Variants in ZGRF1 observed in about 807,000 individuals in gnomAD.
ZGRF1 encodes the protein zinc finger GRF-type containing 1, also known as 5'-3' DNA helicase ZGRF1.
In ZGRF1, 196 loss-of-function variants were observed where a neutral mutation model predicts 203.5. The observed-to-expected ratio is 0.96, with a 90% CI of 0.86 to 1.08. ZGRF1 has a LOEUF of 1.08. Ranked by LOEUF, ZGRF1 falls within the 50% of genes least tolerant of loss-of-function variation. The probability of loss-of-function intolerance (pLI) is 0.00; values close to 1 mark genes in which losing one functional copy is unlikely to be tolerated. For missense variants in ZGRF1, 2,326 were observed against 2,416.3 expected (o/e 0.96, Z 0.78); for synonymous variants, 809 against 841.3 (o/e 0.96, Z 0.66).
chr4:112,553,992 T>C lies in ZGRF1; in HGVS notation c.5199-10A>G, dbSNP rs370557896. 1.1e-5 allele frequency: 18 copies of C among 1,600,736 alleles called. No homozygotes were observed. The African/African-American group carries it at 2.4e-4, about 22-fold the overall frequency. ...TGAGCCAGCATGCAAGCTAAAGAAT[T>C]ATATTAAAACACTCCTCTTTATTCC... is the stretch of plus-strand genomic sequence containing the variant. On this transcript the variant is annotated splice_polypyrimidine_tract_variant and intron_variant, in intron 21 of 27. Coordinates refer to ENST00000505019, the MANE Select transcript of ZGRF1 (RefSeq NM_018392.5).
chr4:112,554,017 C>T (rs1413877895), intron 21 of ZGRF1, 35 bp from the exon 22 acceptor site: 3 of 1,556,990 alleles, frequency 1.9e-6, no homozygotes, highest in Admixed American at 2.1e-5. Context: ...CTCTTTATTC[C>T]ATTTTTCATA....
chr4:112,589,444 G>A (rs1747779057), intron 11 of ZGRF1, among the ~76,000 whole-genome samples: 1 of 152,182 alleles, frequency 6.6e-6, no homozygotes, highest in Admixed American at 6.6e-5. Context: ...TGGAGTTACA[G>A]CTGTGAGAAG....
intron 8 of ZGRF1, among the ~76,000 whole-genome samples, chr4:112,607,582 T>C (rs911014036): frequency 6.6e-6 from 1 of 152,212 alleles, no homozygotes; most frequent in Non-Finnish European, 1.5e-5. Context: ...ACACACTGTT[T>C]TGAAAGTTCC....
chr4:112,558,068 G>T, intron 20 of ZGRF1, 82 bp downstream of exon 20: 1 of 1,110,130 alleles, frequency 9.0e-7, no homozygotes, highest in Non-Finnish European at 1.3e-6. Context: ...AAGAGTACAT[G>T]GACACTCAGG....
intron 10 of ZGRF1, among the ~76,000 whole-genome samples, chr4:112,601,437 G>A (rs1479603541): frequency 1.3e-5 from 2 of 151,990 alleles, no homozygotes; most frequent in Admixed American, 6.6e-5. Flanking sequence ...AGCCAGGCAT[G>A]GTGGCGCATG....
intron 16 of ZGRF1, among the ~76,000 whole-genome samples, chr4:112,575,910 T>C (rs1445968224): frequency 6.6e-6 from 1 of 152,214 alleles, no homozygotes; most frequent in Non-Finnish European, 1.5e-5. Flanking sequence ...TGTCCCTGTC[T>C]GACAGCTTTG....
At chr4:112,557,441 C>T (rs955081894) in intron 20 of ZGRF1, among the ~76,000 whole-genome samples, 1 of 152,334 alleles carries the variant, frequency 6.6e-6, no homozygotes, top group African/African-American at 2.4e-5. Flanking sequence ...TCCCAAAGCA[C>T]TGGGATTACA....
chr4:112,609,261 G>T (rs1309688692), intron 8 of ZGRF1, 118 bp downstream of exon 8: 4 of 322,136 alleles, frequency 1.2e-5, no homozygotes, highest in Non-Finnish European at 2.4e-5. Flanking sequence ...TACCATGTTA[G>T]CCAGGATGGT....
At chr4:112,611,785 TC>T (rs1232446945) in intron 7 of ZGRF1, among the ~76,000 whole-genome samples, 1 of 152,166 alleles carries the variant, frequency 6.6e-6, no homozygotes, top group African/African-American at 2.4e-5. Flanking sequence ...TTGCTACATT[TC>T]TTTCAATGAC....
chr4:112,582,553 A>G (rs1746450322), intron 15 of ZGRF1, among the ~76,000 whole-genome samples: 1 of 151,964 alleles, frequency 6.6e-6, no homozygotes, highest in South Asian at 2.1e-4. Flanking sequence ...CCTTGGGCTC[A>G]AGCCATCCTC....
intron 24 of ZGRF1, among the ~76,000 whole-genome samples, chr4:112,543,855 A>G (rs1191245283): frequency 2.0e-5 from 3 of 152,098 alleles, no homozygotes; most frequent in Non-Finnish European, 2.9e-5. Context: ...TTTTTATTTA[A>G]AAAATTTTTT....
chr4:112,575,801 C>T (rs894903914), intron 16 of ZGRF1, among the ~76,000 whole-genome samples: 1 of 152,200 alleles, frequency 6.6e-6, no homozygotes, highest in African/African-American at 2.4e-5. Flanking sequence ...GGGTGGAGCC[C>T]ACCGCAGCTC....
At chr4:112,623,120 C>A (rs1435570616) in intron 4 of ZGRF1, among the ~76,000 whole-genome samples, 1 of 152,174 alleles carries the variant, frequency 6.6e-6, no homozygotes, top group Non-Finnish European at 1.5e-5. Flanking sequence ...TTTTCTATGT[C>A]CCTGCATTAG....
intron 16 of ZGRF1, among the ~76,000 whole-genome samples, chr4:112,563,953 T>C (rs1050661172): frequency 6.6e-6 from 1 of 152,176 alleles, no homozygotes; most frequent in African/African-American, 2.4e-5. Flanking sequence ...GACTTAATCA[T>C]TGCCCAAAGG....
chr4:112,547,195 G>A lies in ZGRF1; in HGVS notation c.5598+90C>T, dbSNP rs1026071925. On this transcript the variant is annotated intron_variant, in intron 24 of 27. Coordinates refer to ENST00000505019, the MANE Select transcript of ZGRF1 (RefSeq NM_018392.5). ...ATACATTATTTTAAGGCAGGACTAA[G>A]TCTTCTAATATTTTCATTCTCTATC... 20 of 1,299,290 alleles carry A rather than the reference G, an allele frequency of 1.5e-5. No individual in the cohort carries two copies. The African/African-American group carries it at 1.8e-4, about 12-fold the overall frequency. 80.5% of individuals were successfully genotyped at this position (1,299,290 alleles called of 1,614,324 possible). A position where few individuals can be genotyped will look rare whatever the true frequency, so the allele number is the denominator to read the frequency against.
intron 20 of ZGRF1, among the ~76,000 whole-genome samples, chr4:112,557,546 C>T (rs1578707813): frequency 1.3e-5 from 2 of 152,256 alleles, no homozygotes; most frequent in Admixed American, 6.5e-5. Flanking sequence ...TTACTTATGG[C>T]ACAGGAAGCA....
At chr4:112,577,788 T>A (rs1745505636) in intron 16 of ZGRF1, among the ~76,000 whole-genome samples, 1 of 122,350 alleles carries the variant, frequency 8.2e-6, no homozygotes, top group African/African-American at 2.8e-5. Flanking sequence ...AGCAAGTCCT[T>A]AGAGACCTAC....
In ZGRF1 at chr4:112,618,188, A is replaced by T. The variant is rs372746292; in HGVS notation, c.1854T>A (p.Tyr618Ter). The change falls in exon 6 of 28, where the codon TAT becomes TAA. Residue 618 changes from tyrosine to a stop codon, truncating the protein, a stop_gained. Coordinates refer to ENST00000505019, the MANE Select transcript of ZGRF1 (RefSeq NM_018392.5). LOFTEE classifies it high-confidence loss of function. The part of the protein sequence containing the change: ...TLPSQFCDKT[Y>*]VGFDMGICKT... Reference sequence around the variant, plus strand: ...TACATATTCCCATGTCAAAACCCACATAAGTTTTATCACAAAACTGTGATG... The same window carrying T: ...TACATATTCCCATGTCAAAACCCACTTAAGTTTTATCACAAAACTGTGATG... 1 of 1,613,868 alleles carries T rather than the reference A, an allele frequency of 6.2e-7. No individual in the cohort carries two copies. Among genetic ancestry groups the T allele is most frequent in the East Asian group, 2.2e-5 (1 of 44,850 alleles).
At chr4:112,611,399 T>C (rs2046671214) in intron 7 of ZGRF1, among the ~76,000 whole-genome samples, 1 of 152,120 alleles carries the variant, frequency 6.6e-6, no homozygotes, top group African/African-American at 2.4e-5. Flanking sequence ...AGAGACTCCA[T>C]CTCAAAATAA....
Sources: allele counts gnomAD v4.1 joint callset (sites outside exome capture counted in the v4.1 genomes callset), GRCh38; gene constraint gnomAD v4.1.1; transcripts MANE v1.5; gene names NCBI Gene and HGNC (gene_info 2026-07-23, HGNC 2026-07-21).